The following ESF1 variants were observed in gnomAD, a reference collection of about 807,000 sequenced individuals.
ESF1 encodes ESF1 homolog.
A neutral mutation model predicts 92.0 loss-of-function variants in ESF1; 58 were observed. The observed-to-expected ratio is 0.63, with a 90% CI of 0.51 to 0.78. ESF1 has a LOEUF of 0.78. Among genes scored for constraint, ESF1 ranks in the 30% least tolerant of loss-of-function variants. The pLI, the probability that ESF1 is intolerant of heterozygous loss-of-function variation, is 0.00. For synonymous variants in ESF1, 321 were observed against 313.7 expected (o/e 1.02, Z -0.24); for missense variants, 922 against 989.1 (o/e 0.93, Z 0.91).
chr20:13,781,903 G>T (rs1221945705), intron 2 of ESF1, among the ~76,000 whole-genome samples: 1 of 152,154 alleles, frequency 6.6e-6, no homozygotes, highest in Non-Finnish European at 1.5e-5. Flanking sequence ...TTGAGACAGA[G>T]TCTCGCTCTG....
Position 13,733,860 on chromosome 20 carries a change from T to G in ESF1, c.1829-18A>C. 1 of 1,587,020 alleles carries G rather than the reference T, an allele frequency of 6.3e-7. No homozygotes were observed. Among genetic ancestry groups the G allele is most frequent in the South Asian group, 1.2e-5 (1 of 84,790 alleles). On this transcript the variant is annotated intron_variant, in intron 9 of 13. Transcript: ENST00000617257. ...TTTAAGACCTGAGGAAAAATCCAAA[T>G]AGTTTAGCTTAAAATGTCTTATTGT...
intron 9 of ESF1, among the ~76,000 whole-genome samples, chr20:13,756,946 A>G (rs1464120038): frequency 6.6e-6 from 1 of 152,232 alleles, no homozygotes; most frequent in African/African-American, 2.4e-5. Context: ...AAGAAATTTA[A>G]GAAAAGCTTG....
chr20:13,781,145 T>C (rs970230960), intron 2 of ESF1, among the ~76,000 whole-genome samples: 1 of 152,226 alleles, frequency 6.6e-6, no homozygotes, highest in African/African-American at 2.4e-5. Context: ...CTTACTATTA[T>C]TGCATTTTGT....
intron 11 of ESF1, among the ~76,000 whole-genome samples, chr20:13,726,036 A>G (rs932112112): frequency 9.2e-5 from 14 of 152,186 alleles, no homozygotes; most frequent in African/African-American, 3.4e-4. Flanking sequence ...CTTCCAAAGT[A>G]TATCTAGAGT....
At chr20:13,726,457 C>A (rs534636456) in intron 11 of ESF1, among the ~76,000 whole-genome samples, 1 of 152,298 alleles carries the variant, frequency 6.6e-6, no homozygotes, top group South Asian at 2.1e-4. Context: ...CTTCCCCCAG[C>A]TCTTCATGCC....
At chr20:13,742,556 C>T (rs1000516463) in intron 9 of ESF1, among the ~76,000 whole-genome samples, 16 of 152,032 alleles carry the variant, frequency 1.1e-4, no homozygotes, top group Non-Finnish European at 5.9e-5. Flanking sequence ...AAAACTTAAA[C>T]GTGTACTAGG....
chr20:13,771,480 C>A lies in ESF1; in HGVS notation c.1254G>T (p.Thr418=), dbSNP rs200830428. The part of the protein sequence containing the change: ...IPEDAPEKDW[T]SREKLRDYQF... ...GATAATCTCTCAATTTTTCTCTAGA[C>A]GTCCTAAAGTGGGAAAAACTTATTA... Residue 418 remains threonine (T), a synonymous_variant, in exon 6 of 14, where the codon ACG becomes ACT. Coordinates refer to ENST00000617257, the MANE Select transcript of ESF1 (RefSeq NM_001276380.2). The A allele has an allele frequency of 6.2e-7, 1 of 1,609,840 alleles. No homozygotes were observed. Among genetic ancestry groups the A allele is most frequent in the African/African-American group, 1.3e-5 (1 of 74,818 alleles).
Position 13,783,169 on chromosome 20 carries a change from T to C in ESF1, c.-29A>G, listed in dbSNP as rs1980314893. ...TAATTCTTAATCTCGACCAAATGCT[T>C]GAAGAAAACAAATACTGAAAAATAA... On this transcript the variant is annotated 5_prime_UTR_variant, in exon 2 of 14. Transcript: ENST00000617257. The C allele has an allele frequency of 6.4e-7, 1 of 1,571,782 alleles. No individual in the cohort carries two copies. The highest frequency in any genetic ancestry group is 1.2e-5 in the South Asian group (1 of 85,380).
intron 11 of ESF1, among the ~76,000 whole-genome samples, chr20:13,722,948 T>G (rs1353765221): frequency 6.6e-6 from 1 of 152,026 alleles, no homozygotes; most frequent in African/African-American, 2.4e-5. Flanking sequence ...TAACAGAGAC[T>G]CCGAGTCAGA....
At chr20:13,761,152 T>C (rs1349282390) in intron 8 of ESF1, among the ~76,000 whole-genome samples, 2 of 152,112 alleles carry the variant, frequency 1.3e-5, no homozygotes, top group Non-Finnish European at 2.9e-5. Context: ...CGGTGTAAGA[T>C]GTGCTTTGTT....
intron 9 of ESF1, among the ~76,000 whole-genome samples, chr20:13,748,540 A>G (rs868528014): frequency 0.068 from 8,036 of 117,364 alleles, 471 homozygotes; most frequent in East Asian, 0.24. Flanking sequence ...ACACATATAT[A>G]TGTGTGTGTA....
At chr20:13,735,233 T>C (rs868419293) in intron 9 of ESF1, among the ~76,000 whole-genome samples, 21 of 152,166 alleles carry the variant, frequency 1.4e-4, no homozygotes, top group African/African-American at 5.1e-4. Context: ...AACAGATCTC[T>C]AAGACCTTCC....
At chr20:13,771,253 A>G in intron 6 of ESF1, 78 bp downstream of exon 6, 2 of 1,319,542 alleles carry the variant, frequency 1.5e-6, no homozygotes, top group Non-Finnish European at 2.2e-6. Context: ...AACAGAGATC[A>G]CTACCAGTTC....
chr20:13,774,729 A>G (rs1278236418), intron 4 of ESF1, among the ~76,000 whole-genome samples: 1 of 152,188 alleles, frequency 6.6e-6, no homozygotes, highest in South Asian at 2.1e-4. Flanking sequence ...AAATTTATGT[A>G]AGTTTTTCAA....
chr20:13,760,817 C>T (rs1039098137), intron 8 of ESF1, among the ~76,000 whole-genome samples: 7 of 152,072 alleles, frequency 4.6e-5, no homozygotes, highest in African/African-American at 1.2e-4. Context: ...TGCCTCTGCC[C>T]GGCCGCCCCT....
At position 13,783,641 on chromosome 20, in the gene ESF1, T is replaced by C. The variant is rs149781130; in HGVS notation, c.-43-458A>G. 6.5e-4 allele frequency among the ~76,000 whole-genome samples: 99 copies of C among 152,216 alleles called. 1 individual carries two copies. Among genetic ancestry groups the C allele is most frequent in the African/African-American group, 2.2e-3 (93 of 41,526 alleles). On this transcript the variant is annotated intron_variant, in intron 1 of 13. Coordinates refer to ENST00000617257, the MANE Select transcript of ESF1 (RefSeq NM_001276380.2). ...TTCAGGACCAGCCTGGGTAACATGGTGAATCCCCACAAGAAATACAAAAAT... is the reference window on the plus strand; with the variant it reads ...TTCAGGACCAGCCTGGGTAACATGGCGAATCCCCACAAGAAATACAAAAAT...
Position 13,776,175 on chromosome 20 carries a change from T to C in ESF1, c.733A>G (p.Ser245Gly). The change falls in exon 3 of 14, where the codon AGC becomes GGC. Residue 245 changes from serine (S) to glycine (G), a missense_variant. Transcript: ENST00000617257. ...DKDALEEDSE[S>G]VSEIGSDEES... Reference sequence around the variant, plus strand: ...TCATCACTTCCTATTTCACTAACGCTTTCTGAATCTTCCTCCAGAGCATCT... The same window carrying C: ...TCATCACTTCCTATTTCACTAACGCCTTCTGAATCTTCCTCCAGAGCATCT... 1 of 1,613,978 alleles carries C rather than the reference T, an allele frequency of 6.2e-7. No individual in the cohort carries two copies. Among genetic ancestry groups the C allele is most frequent in the Admixed American group, 1.7e-5 (1 of 60,024 alleles).
At chr20:13,773,122 G>A (rs750743870) in intron 4 of ESF1, among the ~76,000 whole-genome samples, 3 of 152,110 alleles carry the variant, frequency 2.0e-5, no homozygotes, top group East Asian at 1.9e-4. Context: ...GTATAGTCTC[G>A]ATATAAGAAA....
At chr20:13,723,294 T>C (rs1203308292) in intron 11 of ESF1, among the ~76,000 whole-genome samples, 8 of 152,176 alleles carry the variant, frequency 5.3e-5, no homozygotes, top group Non-Finnish European at 1.2e-4. Context: ...CACTTGCCCA[T>C]AATCAGATGC....
Sources: allele counts gnomAD v4.1 joint callset (sites outside exome capture counted in the v4.1 genomes callset), GRCh38; gene constraint gnomAD v4.1.1; transcripts MANE v1.5; gene names NCBI Gene and HGNC (gene_info 2026-07-23, HGNC 2026-07-21).